Variants in GPR158 observed in about 807,000 individuals in gnomAD.
GPR158 encodes the protein G protein-coupled receptor 158, also known as metabotropic glycine receptor.
GPR158 carries 30 observed loss-of-function variants against 78.2 expected under a neutral mutation model. The observed-to-expected ratio is 0.38, with a 90% CI of 0.29 to 0.52. The LOEUF is 0.52. Among genes scored for constraint, GPR158 ranks in the 20% least tolerant of loss-of-function variants. GPR158 has a pLI of 0.83. For synonymous variants in GPR158, 581 were observed against 591.1 expected, an observed-to-expected ratio of 0.98 and a Z score of 0.25; for missense variants, 1,463 against 1,523.5, an observed-to-expected ratio of 0.96 and a Z score of 0.66.
intron 4 of GPR158, among the ~76,000 whole-genome samples, chr10:25,423,045 G>A (rs1436657481): frequency 6.6e-6 from 1 of 151,344 alleles, no homozygotes; most frequent in East Asian, 1.9e-4. Flanking sequence ...ACATTTTATG[G>A]CTCAGTAGTA....
intron 5 of GPR158, among the ~76,000 whole-genome samples, chr10:25,509,148 C>A (rs1467451413): frequency 6.6e-6 from 1 of 152,152 alleles, no homozygotes; most frequent in Non-Finnish European, 1.5e-5. Context: ...ACACCAGAAG[C>A]ACCGCCTCCC....
chr10:25,463,628 A>C (rs556729942), intron 4 of GPR158, among the ~76,000 whole-genome samples: 1 of 152,276 alleles, frequency 6.6e-6, no homozygotes, highest in African/African-American at 2.4e-5. Flanking sequence ...TATCTCAGGC[A>C]TAACTAGGAA....
At chr10:25,313,572 A>G (rs1295443360) in intron 2 of GPR158, among the ~76,000 whole-genome samples, 1 of 151,702 alleles carries the variant, frequency 6.6e-6, no homozygotes, top group Non-Finnish European at 1.5e-5. Flanking sequence ...TTTCCCAAAG[A>G]TTTTTGATCG....
At chr10:25,276,052 A>T (rs1046418809) in intron 2 of GPR158, among the ~76,000 whole-genome samples, 11 of 152,202 alleles carry the variant, frequency 7.2e-5, no homozygotes, top group Admixed American at 1.3e-4. Context: ...AAGTTGTGGG[A>T]AAACAGCTGA....
In GPR158 at chr10:25,460,604, C is replaced by G. The variant is rs142186725; in HGVS notation, c.1336-6047C>G. The stretch of plus-strand genomic sequence containing the variant: ...ACTACCTCTCCTTCAAAGATATTAA[C>G]ATATTTCCAGATAAGTTGATCTATC... On this transcript the variant is annotated intron_variant, in intron 4 of 10. Coordinates refer to ENST00000376351, the MANE Select transcript of GPR158 (RefSeq NM_020752.3). 2.6e-5 allele frequency among the ~76,000 whole-genome samples: 4 copies of G among 152,298 alleles called. No individual in the cohort carries two copies. The East Asian group carries it at 5.8e-4, about 22-fold the overall frequency.
chr10:25,383,473 G>C (rs1243784868), intron 2 of GPR158, among the ~76,000 whole-genome samples: 1 of 152,162 alleles, frequency 6.6e-6, no homozygotes, highest in East Asian at 1.9e-4. Flanking sequence ...ACTTACCTGA[G>C]GCACAAGGGG....
intron 2 of GPR158, among the ~76,000 whole-genome samples, chr10:25,316,679 T>C (rs1285549183): frequency 2.6e-5 from 4 of 152,172 alleles, no homozygotes; most frequent in African/African-American, 7.2e-5. Flanking sequence ...TGTGAAATAT[T>C]TTGAACAAGT....
At position 25,176,424 on chromosome 10, in the gene GPR158, G is replaced by A. The variant is rs559840045; in HGVS notation, c.902+102G>A. The A allele has an allele frequency of 6.3e-6, 6 of 949,686 alleles. No homozygotes were observed. Among genetic ancestry groups the A allele is most frequent in the East Asian group, 2.5e-5 (1 of 39,668 alleles). 58.8% of individuals were successfully genotyped at this position (949,686 alleles called of 1,614,324 possible). ...AGGAAGGAACCCTTGGCTGTGACGC[G>A]AACGCTTCTCACCCTCAGAGTAGAG... On this transcript the variant is annotated intron_variant, in intron 1 of 10. Transcript: ENST00000376351. The surrounding 1 kb of genome is among the most constrained non-coding windows in gnomAD (Gnocchi z 6.3).
At chr10:25,403,206 TAA>T (rs1179629077) in intron 3 of GPR158, among the ~76,000 whole-genome samples, 2 of 151,988 alleles carry the variant, frequency 1.3e-5, no homozygotes, top group Admixed American at 6.6e-5. Context: ...TCTATAAATA[TAA>T]GACTATATTT....
At chr10:25,388,294 G>A (rs1220528809) in intron 2 of GPR158, among the ~76,000 whole-genome samples, 1 of 152,228 alleles carries the variant, frequency 6.6e-6, no homozygotes, top group Admixed American at 6.5e-5. Flanking sequence ...CAGCAGGAGT[G>A]GTTGTGGGAG....
intron 7 of GPR158, among the ~76,000 whole-genome samples, chr10:25,576,779 C>G (rs1162267252): frequency 2.6e-5 from 4 of 151,974 alleles, no homozygotes; most frequent in Non-Finnish European, 5.9e-5. Context: ...AACTAATACC[C>G]CTAAAGGTGT....
chr10:25,237,108 C>T (rs1421952241), intron 2 of GPR158, among the ~76,000 whole-genome samples: 2 of 152,160 alleles, frequency 1.3e-5, no homozygotes, highest in East Asian at 1.9e-4. Flanking sequence ...CCTACTTGCA[C>T]ATCTCATTGG....
At chr10:25,420,195 G>T (rs1336652767) in intron 4 of GPR158, among the ~76,000 whole-genome samples, 1 of 152,010 alleles carries the variant, frequency 6.6e-6, no homozygotes, top group Non-Finnish European at 1.5e-5. Context: ...AGTTACTCAG[G>T]CTATAATGCA....
chr10:25,212,477 C>T (rs773784818), intron 1 of GPR158, among the ~76,000 whole-genome samples: 15 of 152,040 alleles, frequency 9.9e-5, no homozygotes, highest in Middle Eastern at 3.2e-3. Flanking sequence ...GATTACAATT[C>T]GACATGAGAT....
At chr10:25,492,358 A>G (rs1835821921) in intron 5 of GPR158, among the ~76,000 whole-genome samples, 1 of 152,114 alleles carries the variant, frequency 6.6e-6, no homozygotes, top group African/African-American at 2.4e-5. Context: ...TCCCTTGCTT[A>G]CAGACTTTCC....
At chr10:25,376,304 T>C (rs1375481050) in intron 2 of GPR158, among the ~76,000 whole-genome samples, 1 of 151,718 alleles carries the variant, frequency 6.6e-6, no homozygotes. Context: ...TTAGGCGTGT[T>C]TCTTTTTAGT....
intron 2 of GPR158, among the ~76,000 whole-genome samples, chr10:25,308,436 T>A (rs1854715150): frequency 6.6e-6 from 1 of 152,190 alleles, no homozygotes; most frequent in Admixed American, 6.5e-5. Context: ...CTAAGGTGAC[T>A]GTCTTTTTAT....
Position 25,175,798 on chromosome 10 carries a change from G to A in GPR158, c.378G>A (p.Leu126=). The A allele has an allele frequency of 6.2e-7, 1 of 1,611,848 alleles. No homozygotes were observed. Among genetic ancestry groups the A allele is most frequent in the Non-Finnish European group, 8.5e-7 (1 of 1,179,966 alleles). The change falls in exon 1 of 11, where the codon CTG becomes CTA. Residue 126 remains leucine, a synonymous_variant. Coordinates refer to ENST00000376351, the MANE Select transcript of GPR158 (RefSeq NM_020752.3). The surrounding 1 kb of genome is among the most constrained non-coding windows in gnomAD (Gnocchi z 6.4). Reference sequence around the variant, plus strand: ...CGCACCCCTCCTTGCACCGGGCGCTGGACACACTGACACACGCCACCAACT... The same window carrying A: ...CGCACCCCTCCTTGCACCGGGCGCTAGACACACTGACACACGCCACCAACT... The part of the protein sequence containing the change: ...ASAHPSLHRA[L]DTLTHATNFL...
In GPR158 at chr10:25,412,346, C is replaced by T. The variant is rs563165418; in HGVS notation, c.1208C>T (p.Ala403Val). 6.2e-7 allele frequency: 1 copy of T among 1,613,304 alleles called. No individual in the cohort carries two copies. The highest frequency in any genetic ancestry group is 8.5e-7 in the Non-Finnish European group (1 of 1,179,194). ...LPCREGCPFC[A>V]DDSPCFVQED... is the part of the protein sequence containing the mutation. ...TGCAGGGAGGGCTGCCCCTTCTGTG[C>T]TGATGACAGCCCATGCTTCGTCCAG... Residue 403 changes from alanine to valine, a missense_variant, in exon 4 of 11, where the codon GCT (alanine) becomes GTT (valine). Coordinates refer to ENST00000376351, the MANE Select transcript of GPR158 (RefSeq NM_020752.3).
Sources: gnomAD v4.1 joint callset for allele counts (sites outside exome capture counted in the v4.1 genomes callset) on GRCh38, gnomAD v4.1.1 for gene constraint, Gnocchi (gnomAD v3.1) non-coding constraint, MANE v1.5 for transcripts, NCBI Gene and HGNC (gene_info 2026-07-23, HGNC 2026-07-21) for gene names.